Variants in ABI1 observed in about 807,000 individuals in gnomAD.
ABI1 encodes the protein abl interactor 1.
In ABI1, 14 loss-of-function variants were observed where a neutral mutation model predicts 54.6. The ratio of observed to expected loss-of-function variants is 0.26; its 90% CI spans 0.17 to 0.40. ABI1 has a LOEUF of 0.40. ABI1 is among the 10% of genes least tolerant of loss of function. The pLI is 1.00. For missense variants in ABI1, 443 were observed against 598.3 expected (o/e 0.74, Z 2.71); for synonymous variants, 194 against 209.3 (o/e 0.93, Z 0.63).
chr10:26,776,950 T>G (rs866589874), intron 3 of ABI1, 115 bp downstream of exon 3: 2 of 977,948 alleles, frequency 2.0e-6, no homozygotes, highest in Middle Eastern at 2.3e-4. Context: ...GTATGAAAAT[T>G]ATAATGCCAG....
Position 26,773,215 on chromosome 10 carries a change from C to CTTTTTTTT in ABI1, c.463-2134_463-2127dup, listed in dbSNP as rs58739177. On this transcript the variant is annotated intron_variant, in intron 3 of 10. Coordinates refer to ENST00000376140, the MANE Select transcript of ABI1 (RefSeq NM_001012750.3). ...AGGCACTAAATGTCTAATGCTAATTCTTTTTTTTTTTTTGCTGGCTCTGTT... is the reference window on the plus strand; with the variant it reads ...AGGCACTAAATGTCTAATGCTAATTCTTTTTTTTTTTTTTTTTTTTTGCTGGCTCTGTT... Among the ~76,000 whole-genome samples, 55 of 92,500 alleles carry CTTTTTTTT rather than the reference C, an allele frequency of 5.9e-4. 10 individuals are homozygous for CTTTTTTTT. Among genetic ancestry groups the CTTTTTTTT allele is most frequent in the African/African-American group, 1.1e-3 (25 of 22,198 alleles). The allele number at this position is 92,500 out of a possible 152,430, so 60.7% of individuals were successfully genotyped here.
At chr10:26,808,277 C>T (rs552707132) in intron 2 of ABI1, among the ~76,000 whole-genome samples, 1 of 152,138 alleles carries the variant, frequency 6.6e-6, no homozygotes, top group East Asian at 1.9e-4. Flanking sequence ...CTGTTATTAC[C>T]ACAGGAAGAA....
chr10:26,822,239 C>G (rs559141117), intron 2 of ABI1, among the ~76,000 whole-genome samples: 1 of 152,110 alleles, frequency 6.6e-6, no homozygotes, highest in Admixed American at 6.5e-5. Context: ...AATTCACCAC[C>G]CATTCCTGAT....
intron 2 of ABI1, among the ~76,000 whole-genome samples, chr10:26,784,014 G>A (rs1384559159): frequency 6.6e-6 from 1 of 152,150 alleles, no homozygotes; most frequent in Non-Finnish European, 1.5e-5. Context: ...AGTCAAAGGG[G>A]TACAACAACC....
At chr10:26,834,548 A>AACAC (rs571268846) in intron 1 of ABI1, among the ~76,000 whole-genome samples, 7,862 of 138,492 alleles carry the variant, frequency 0.057, 248 homozygotes, top group Admixed American at 0.1. Context: ...AGACATACAA[A>AACAC]ACACACACAC....
At chr10:26,841,293 T>C (rs1451986772) in intron 1 of ABI1, among the ~76,000 whole-genome samples, 3 of 152,144 alleles carry the variant, frequency 2.0e-5, no homozygotes, top group Non-Finnish European at 4.4e-5. Context: ...ATAAATTTTA[T>C]TGTATATATT....
At chr10:26,811,036 A>G (rs987343641) in intron 2 of ABI1, among the ~76,000 whole-genome samples, 4 of 152,142 alleles carry the variant, frequency 2.6e-5, no homozygotes, top group African/African-American at 9.7e-5. Flanking sequence ...TTTAATTTCA[A>G]AAATTTCAGA....
At chr10:26,750,572 G>A (rs1353986766) in intron 10 of ABI1, among the ~76,000 whole-genome samples, 1 of 152,128 alleles carries the variant, frequency 6.6e-6, no homozygotes, top group African/African-American at 2.4e-5. Context: ...GAATGCTGCT[G>A]GTCTCAAGAG....
intron 3 of ABI1, among the ~76,000 whole-genome samples, chr10:26,773,761 T>C (rs1400642393): frequency 6.6e-6 from 1 of 152,184 alleles, no homozygotes; most frequent in Non-Finnish European, 1.5e-5. Context: ...GGAACTTTAC[T>C]AATCAGAAAC....
intron 3 of ABI1, among the ~76,000 whole-genome samples, chr10:26,774,986 C>T (rs1207416437): frequency 6.6e-6 from 1 of 151,986 alleles, no homozygotes; most frequent in Non-Finnish European, 1.5e-5. Context: ...AAAGAAACTT[C>T]TAAATAGAAA....
At chr10:26,797,710 T>A (rs1844372632) in intron 2 of ABI1, among the ~76,000 whole-genome samples, 1 of 152,114 alleles carries the variant, frequency 6.6e-6, no homozygotes, top group South Asian at 2.1e-4. Context: ...GACATGCTGT[T>A]CAGATTAAAG....
chr10:26,763,906 G>A (rs757296325), intron 7 of ABI1: 2 of 1,613,262 alleles, frequency 1.2e-6, no homozygotes, highest in Non-Finnish European at 8.5e-7. Flanking sequence ...TGGGAGAAGT[G>A]GTGCCAGAGG....
intron 2 of ABI1, among the ~76,000 whole-genome samples, chr10:26,809,558 CAAAT>C (rs1011517793): frequency 6.6e-6 from 1 of 151,388 alleles, no homozygotes; most frequent in Non-Finnish European, 1.5e-5. Flanking sequence ...ACCCTATGTC[CAAAT>C]AAATAAATAA....
At chr10:26,832,297 T>C (rs2048726475) in intron 1 of ABI1, among the ~76,000 whole-genome samples, 1 of 152,098 alleles carries the variant, frequency 6.6e-6, no homozygotes, top group African/African-American at 2.4e-5. Context: ...AAATAAAGTA[T>C]GTTGGCCGGG....
At chr10:26,779,151 G>A (rs1341053883) in intron 2 of ABI1, among the ~76,000 whole-genome samples, 1 of 152,154 alleles carries the variant, frequency 6.6e-6, no homozygotes, top group Non-Finnish European at 1.5e-5. Context: ...GAATGCTGAT[G>A]GGGACAAAAC....
intron 2 of ABI1, among the ~76,000 whole-genome samples, chr10:26,800,538 T>C (rs546984197): frequency 1.3e-5 from 2 of 151,906 alleles, no homozygotes; most frequent in African/African-American, 4.8e-5. Flanking sequence ...AGTACTTTGG[T>C]AGGCCAAGGT....
chr10:26,763,911 C>T (rs936427665), intron 7 of ABI1: 18 of 1,613,156 alleles, frequency 1.1e-5, no homozygotes, highest in Non-Finnish European at 1.5e-5. Flanking sequence ...GAAGTGGTGC[C>T]AGAGGTGGTG....
intron 7 of ABI1, among the ~76,000 whole-genome samples, chr10:26,760,902 A>G (rs1302494134): frequency 3.3e-5 from 5 of 150,932 alleles, no homozygotes; most frequent in African/African-American, 9.7e-5. Context: ...AAAAAAAAAA[A>G]AAAAAAAAAA....
intron 1 of ABI1, among the ~76,000 whole-genome samples, chr10:26,833,769 T>TACACACACACAC (rs61653104): frequency 0.021 from 3,172 of 150,274 alleles, 44 homozygotes; most frequent in Middle Eastern, 0.037. Context: ...ACAATATTTA[T>TACACACACACAC]ACACACACAC....
Sources: gnomAD v4.1 joint callset for allele counts (sites outside exome capture counted in the v4.1 genomes callset) on GRCh38, gnomAD v4.1.1 for gene constraint, MANE v1.5 for transcripts, NCBI Gene and HGNC (gene_info 2026-07-23, HGNC 2026-07-21) for gene names.